Variants in MICAL2 observed in about 807,000 individuals in gnomAD.
MICAL2 encodes [F-actin]-monooxygenase MICAL2.
MICAL2 carries 77 observed loss-of-function variants against 127.3 expected under a neutral mutation model. The observed-to-expected ratio is 0.60, with a 90% CI of 0.50 to 0.73. MICAL2 has a LOEUF of 0.73. Among genes scored for constraint, MICAL2 ranks in the 30% least tolerant of loss-of-function variants. The pLI is 0.00. For missense variants in MICAL2, 1,351 were observed against 1,434.4 expected (o/e 0.94, Z 0.94); for synonymous variants, 570 against 551.1 (o/e 1.03, Z -0.48).
upstream of MICAL2, among the ~76,000 whole-genome samples, chr11:12,275,752 G>A (rs1180618452): frequency 6.6e-6 from 1 of 152,240 alleles, no homozygotes; most frequent in African/African-American, 2.4e-5. Context: ...CTTCCCTGTG[G>A]ACTAAATGGG....
chr11:12,127,962 T>A (rs1438281581), intron 1 of MICAL2, among the ~76,000 whole-genome samples: 1 of 152,232 alleles, frequency 6.6e-6, no homozygotes, highest in African/African-American at 2.4e-5. Flanking sequence ...TGAAGTGGGT[T>A]ACTGAATGTA....
chr11:12,226,414 T>A (rs918472601), intron 14 of MICAL2, 44 bp downstream of exon 14: 11 of 1,579,326 alleles, frequency 7.0e-6, no homozygotes, highest in Non-Finnish European at 9.5e-6. Context: ...TTGAGCCAAC[T>A]CTGTCCCTGT....
rs773570310 is a variant in MICAL2 at position 12,220,408 on chromosome 11, C to T, written c.1156C>T (p.Arg386Trp). The stretch of plus-strand genomic sequence containing the variant: ...AGAGAACGCGGCCCTGGTGCGGGAG[C>T]GGCAGGCGCACCAGCTGCTCGTGGC... ...ASENAALVRE[R>W]QAHQLLVALV... The change falls in exon 9 of 28, where the codon CGG becomes TGG. Residue 386 changes from arginine to tryptophan, a missense_variant. By Grantham distance (101) the Arg-to-Trp change is moderately radical (BLOSUM62 -3). Coordinates refer to ENST00000683283, the MANE Select transcript of MICAL2 (RefSeq NM_001282663.2). 1.9e-6 allele frequency: 3 copies of T among 1,613,326 alleles called. No homozygotes were observed. The highest frequency in any genetic ancestry group is 4.5e-5 in the East Asian group (2 of 44,884).
At chr11:12,260,374 T>TA (rs1862940265) in intron 26 of MICAL2, 1 of 1,281,296 alleles carries the variant, frequency 7.8e-7, no homozygotes, top group African/African-American at 1.5e-5. Context: ...AGGGATGATA[T>TA]GAAGGATCTT....
chr11:12,233,544 T>C (rs1245747524), intron 15 of MICAL2, among the ~76,000 whole-genome samples: 1 of 152,238 alleles, frequency 6.6e-6, no homozygotes, highest in Admixed American at 6.5e-5. Context: ...GGGAACATGG[T>C]TATCTTGTGC....
intron 3 of MICAL2, among the ~76,000 whole-genome samples, chr11:12,187,706 G>A (rs1156973239): frequency 1.3e-5 from 2 of 152,206 alleles, no homozygotes; most frequent in East Asian, 3.8e-4. Flanking sequence ...GAGTGGATGA[G>A]TTGTCCGTAT....
chr11:12,172,690 G>GA (rs998113488), intron 3 of MICAL2, among the ~76,000 whole-genome samples: 2 of 151,280 alleles, frequency 1.3e-5, no homozygotes, highest in South Asian at 2.1e-4. Context: ...TGAAAAGGAA[G>GA]AAAAAAAAAC....
At chr11:12,293,119 G>A (rs1256140421), downstream of MICAL2, among the ~76,000 whole-genome samples, 2 of 152,200 alleles carry the variant, frequency 1.3e-5, no homozygotes, top group Admixed American at 6.5e-5. Flanking sequence ...CTTGGTTGTT[G>A]GAGGAACATA....
intron 2 of MICAL2, among the ~76,000 whole-genome samples, chr11:12,156,219 G>A (rs1424076817): frequency 2.0e-5 from 3 of 152,156 alleles, no homozygotes; most frequent in Admixed American, 6.5e-5. Context: ...GTTGAGCTTC[G>A]TGGTGAGTCT....
At chr11:12,195,746 T>TA (rs1736613855) in intron 3 of MICAL2, among the ~76,000 whole-genome samples, 1 of 151,014 alleles carries the variant, frequency 6.6e-6, no homozygotes, top group African/African-American at 2.4e-5. Flanking sequence ...AATATATATA[T>TA]TTTTAGAGGA....
chr11:12,124,344 G>A (rs1460668973), intron 1 of MICAL2, among the ~76,000 whole-genome samples: 4 of 152,104 alleles, frequency 2.6e-5, no homozygotes, highest in East Asian at 1.9e-4. Context: ...GATTGAAGCC[G>A]CCCCTAGCCT....
At chr11:12,194,921 A>G (rs896295117) in intron 3 of MICAL2, among the ~76,000 whole-genome samples, 2 of 152,250 alleles carry the variant, frequency 1.3e-5, no homozygotes, top group African/African-American at 4.8e-5. Context: ...GCAGTTATAC[A>G]GGCAGTAGGA....
At chr11:12,312,072 T>G (rs775075855) in intron 29 of MICAL2, among the ~76,000 whole-genome samples, 3 of 151,520 alleles carry the variant, frequency 2.0e-5, no homozygotes, top group Non-Finnish European at 4.4e-5. Flanking sequence ...ATATAATAAC[T>G]TCCTTTAATA....
At chr11:12,303,683 G>T (rs1864075350) in intron 29 of MICAL2, 1 of 152,194 alleles carries the variant, frequency 6.6e-6, no homozygotes, top group South Asian at 2.1e-4. Flanking sequence ...TCTGTCAGAA[G>T]TCTCTGTTGA....
downstream of MICAL2, chr11:12,292,240 ATCT>A (rs771415043): frequency 1.7e-5 from 28 of 1,613,426 alleles, no homozygotes; most frequent in Admixed American, 2.7e-4. Flanking sequence ...CTTCCCCACC[ATCT>A]TCTTCTTCAA....
chr11:12,331,715 C>T (rs7113112), intron 32 of MICAL2, among the ~76,000 whole-genome samples: 1,556 of 152,202 alleles, frequency 0.01, 31 homozygotes, highest in African/African-American at 0.035. Context: ...GAAATTTTCT[C>T]ATCTGTAAAA....
Position 12,256,809 on chromosome 11 carries a change from C to T in MICAL2, c.2980C>T (p.Leu994Phe). The T allele has an allele frequency of 6.2e-7, 1 of 1,613,418 alleles. No individual in the cohort carries two copies. Among genetic ancestry groups the T allele is most frequent in the Non-Finnish European group, 8.5e-7 (1 of 1,179,550 alleles). The change falls in exon 24 of 28, where the codon CTT (leucine) becomes TTT (phenylalanine). Residue 994 changes from leucine to phenylalanine, a missense_variant. Around this residue, in one of 2 missense-constraint regions of MICAL2, gnomAD observed 752 missense variants for 719.4 expected, o/e 1.05. Coordinates refer to ENST00000683283, the MANE Select transcript of MICAL2 (RefSeq NM_001282663.2). ...DLESMRKSFP[L>F]NLGGSDTCYF... ...GGAATCTATGCGAAAGTCATTTCCC[C>T]TTAACCTGGGAGGCAGCGACACGTG...
intron 1 of MICAL2, among the ~76,000 whole-genome samples, chr11:12,124,543 G>A (rs539449549): frequency 6.6e-6 from 1 of 152,342 alleles, no homozygotes; most frequent in East Asian, 1.9e-4. Flanking sequence ...GCTCCCCAGA[G>A]ATTGCACCAG....
chr11:12,199,822 G>T (rs888806547), intron 3 of MICAL2, among the ~76,000 whole-genome samples: 1 of 152,150 alleles, frequency 6.6e-6, no homozygotes, highest in Non-Finnish European at 1.5e-5. Context: ...CCTGAACACC[G>T]CCGAGCTTAT....
Sources: gnomAD v4.1 joint callset for allele counts (sites outside exome capture counted in the v4.1 genomes callset) on GRCh38, gnomAD v4.1.1 for gene constraint, gnomAD v4.1.1 regional missense constraint, MANE v1.5 for transcripts, NCBI Gene and HGNC (gene_info 2026-07-23, HGNC 2026-07-21) for gene names.